SMARCAD1: variants seen among roughly 807,000 people sequenced by gnomAD.
SMARCAD1 encodes SWI/SNF-related matrix-associated actin-dependent regulator of chromatin subfamily A containing DEAD/H box 1.
SMARCAD1 carries 25 observed loss-of-function variants against 127.1 expected under a neutral mutation model. The ratio of observed to expected loss-of-function variants is 0.20; its 90% CI spans 0.14 to 0.27. SMARCAD1 has a LOEUF of 0.27. Ranked by LOEUF, SMARCAD1 falls within the 10% of genes least tolerant of loss-of-function variation. SMARCAD1 has a pLI of 1.00. For missense variants in SMARCAD1, 807 were observed against 1,206.0 expected (o/e 0.67, Z 4.90); for synonymous variants, 400 against 396.9 (o/e 1.01, Z -0.09).
chr4:94,277,285 T>G (rs1753440786), intron 16 of SMARCAD1, 126 bp downstream of exon 16: 2 of 1,094,194 alleles, frequency 1.8e-6, no homozygotes, highest in Non-Finnish European at 2.7e-6. Flanking sequence ...AAGTAGGTGA[T>G]AACTCTATAT....
Position 94,218,089 on chromosome 4 carries a change from G to C in SMARCAD1, c.191-8030G>C, listed in dbSNP as rs530356153. Among the ~76,000 whole-genome samples the C allele has an allele frequency of 7.2e-5, 11 of 152,192 alleles. No homozygotes were observed. The South Asian group carries it at 2.3e-3, about 32-fold the overall frequency. On this transcript the variant is annotated intron_variant, in intron 2 of 23. Transcript: ENST00000354268. ...AGTTAATGCTTCATATTTGTCTCTT[G>C]ACTCTTTGCCTTATATATCCTACAA...
rs766827377 is a variant in SMARCAD1 at position 94,208,058 on chromosome 4, T to C, written c.-62T>C. ...AGGGGGTTATACTGGGGAACGTGCC[T>C]GCGCGTGCTTGGGTAAGAGGAGGTT... is the stretch of plus-strand genomic sequence containing the variant. On this transcript the variant is annotated 5_prime_UTR_variant, in exon 1 of 24. Transcript: ENST00000354268. 1 of 483,990 alleles carries C rather than the reference T, an allele frequency of 2.1e-6. No individual in the cohort carries two copies. The allele number at this position is 483,990 out of a possible 1,614,324, so 30.0% of individuals were successfully genotyped here.
rs758629238 is a variant in SMARCAD1, at chr4:94,274,942, A to G, written c.1785A>G (p.Glu595=). 8.1e-6 allele frequency: 13 copies of G among 1,601,990 alleles called. No homozygotes were observed. The South Asian group carries it at 1.4e-4, about 18-fold the overall frequency. ...GATTTAACATTCATAGTAGATATGA[A>G]GATTACAATGTAATTGTGACCACGT... ...QIRFNIHSRY[E]DYNVIVTTYN... The change falls in exon 14 of 24, where the codon GAA becomes GAG. Residue 595 remains glutamate, a synonymous_variant. Transcript: ENST00000354268.
intron 23 of SMARCAD1, among the ~76,000 whole-genome samples, chr4:94,287,555 A>C (rs1755118855): frequency 6.6e-6 from 1 of 152,140 alleles, no homozygotes; most frequent in South Asian, 2.1e-4. Flanking sequence ...TCTCCTAAGA[A>C]ATTGGCAATT....
At chr4:94,254,093 A>G (rs1242514045) in intron 9 of SMARCAD1, among the ~76,000 whole-genome samples, 1 of 152,126 alleles carries the variant, frequency 6.6e-6, no homozygotes, top group Non-Finnish European at 1.5e-5. Context: ...ACATTTTTTT[A>G]ATTAAAATAT....
intron 3 of SMARCAD1, among the ~76,000 whole-genome samples, chr4:94,227,301 G>T (rs1399256222): frequency 6.6e-6 from 1 of 152,104 alleles, no homozygotes. Flanking sequence ...TAGGCTGTTT[G>T]GTTTTTATTC....
intron 2 of SMARCAD1, among the ~76,000 whole-genome samples, chr4:94,221,349 A>G (rs1429250091): frequency 6.6e-6 from 1 of 152,256 alleles, no homozygotes; most frequent in African/African-American, 2.4e-5. Flanking sequence ...GTTTTAACGT[A>G]ATAGAATGCA....
At chr4:94,248,378 T>C (rs1475241579) in intron 6 of SMARCAD1, 1 of 419,396 alleles carries the variant, frequency 2.4e-6, no homozygotes, top group Admixed American at 2.7e-5. Context: ...TTCACTTATG[T>C]AGTGAAAAAG....
rs554912327 is a variant in SMARCAD1, at chr4:94,284,034, G to A, written c.2909+731G>A. 2.3e-4 allele frequency among the ~76,000 whole-genome samples: 35 copies of A among 150,504 alleles called. 1 individual carries two copies. The South Asian group carries it at 3.6e-3, about 15-fold the overall frequency. On this transcript the variant is annotated intron_variant, in intron 22 of 23. Coordinates refer to ENST00000354268, the MANE Select transcript of SMARCAD1 (RefSeq NM_020159.5). ...ATTGGTCACAGCACTGTAAAGAGGT[G>A]AAGATAGCCGGGCACGGTGGCTCAC... is the stretch of plus-strand genomic sequence containing the variant.
At chr4:94,226,859 GTTTCTTTTTTTTTTTCTT>G (rs1745095823) in intron 3 of SMARCAD1, among the ~76,000 whole-genome samples, 4 of 150,988 alleles carry the variant, frequency 2.6e-5, no homozygotes, top group African/African-American at 9.8e-5. Context: ...TCAGGGAATC[GTTTCTTTTTTTTTTTCTT>G]GTTTTTTCTA....
intron 2 of SMARCAD1, 37 bp from the exon 3 acceptor site, chr4:94,226,082 T>A (rs1242009799): frequency 1.3e-6 from 2 of 1,531,112 alleles, no homozygotes; most frequent in Non-Finnish European, 1.8e-6. Flanking sequence ...GTTTTCCAGT[T>A]GCTCAAAATA....
intron 9 of SMARCAD1, among the ~76,000 whole-genome samples, chr4:94,263,248 A>T (rs1176510406): frequency 6.6e-6 from 1 of 152,106 alleles, no homozygotes; most frequent in African/African-American, 2.4e-5. Flanking sequence ...CACACATACT[A>T]CAATCAGCAT....
At chr4:94,272,845 C>G (rs1281568932) in intron 11 of SMARCAD1, among the ~76,000 whole-genome samples, 3 of 151,942 alleles carry the variant, frequency 2.0e-5, no homozygotes, top group Non-Finnish European at 4.4e-5. Flanking sequence ...CTTGCTCTGT[C>G]ACCCAGGCTG....
chr4:94,283,682 G>A (rs535580042), intron 22 of SMARCAD1, among the ~76,000 whole-genome samples: 6 of 152,004 alleles, frequency 3.9e-5, no homozygotes, highest in South Asian at 4.2e-4. Flanking sequence ...AAAATTAGCC[G>A]GGCATGGTGG....
chr4:94,270,992 CCTCCCCAAGATGAAGA>C (rs1752468082), intron 11 of SMARCAD1, among the ~76,000 whole-genome samples, 174 bp downstream of exon 11: 1 of 152,138 alleles, frequency 6.6e-6, no homozygotes, highest in Non-Finnish European at 1.5e-5. Flanking sequence ...CCTCCTCACT[CCTCCCCAAGATGAAGA>C]TAGATTTATT....
intron 3 of SMARCAD1, among the ~76,000 whole-genome samples, chr4:94,232,855 C>T (rs989036705): frequency 6.6e-6 from 1 of 151,968 alleles, no homozygotes; most frequent in Non-Finnish European, 1.5e-5. Context: ...TGGCAAGCAC[C>T]TGTGGTCTCA....
intron 23 of SMARCAD1, among the ~76,000 whole-genome samples, chr4:94,286,176 G>T (rs1476132616): frequency 6.6e-6 from 1 of 152,102 alleles, no homozygotes; most frequent in Admixed American, 6.5e-5. Context: ...AGGGAGAGAG[G>T]TGGTATGAGA....
intron 2 of SMARCAD1, among the ~76,000 whole-genome samples, chr4:94,224,857 T>C (rs1340412294): frequency 6.6e-6 from 1 of 152,206 alleles, no homozygotes; most frequent in African/African-American, 2.4e-5. Context: ...GAGGTTTAAA[T>C]GTTTATTATA....
chr4:94,212,899 G>T (rs1039806600), intron 2 of SMARCAD1: 1 of 414,798 alleles, frequency 2.4e-6, no homozygotes, highest in East Asian at 7.1e-5. Context: ...CTAAATCCCA[G>T]CCAGCCTTTG....
Sources: gnomAD v4.1 joint callset for allele counts (sites outside exome capture counted in the v4.1 genomes callset) on GRCh38, gnomAD v4.1.1 for gene constraint, MANE v1.5 for transcripts, NCBI Gene and HGNC (gene_info 2026-07-23, HGNC 2026-07-21) for gene names.